Variants in SETD4 observed in about 807,000 individuals in gnomAD.
SETD4 encodes SET domain containing 4, also known as SET domain-containing protein 4.
Under a neutral mutation model 58.3 loss-of-function variants are expected in SETD4, and 46 were observed. The ratio of observed to expected loss-of-function variants is 0.79; its 90% confidence interval spans 0.62 to 1.01. SETD4 has a LOEUF of 1.01. SETD4 is among the 50% of genes least tolerant of loss of function. The probability of loss-of-function intolerance (pLI) is 0.00; values close to 1 mark genes in which losing one functional copy is unlikely to be tolerated. For synonymous variants in SETD4, 190 were observed against 202.6 expected (o/e 0.94, Z 0.53); for missense variants, 490 against 523.3 (o/e 0.94, Z 0.62).
intron 4 of SETD4, chr21:36,050,133 C>A: frequency 1.3e-6 from 1 of 793,408 alleles, no homozygotes; most frequent in Admixed American, 1.9e-5. Flanking sequence ...ACCTCTATAT[C>A]TGGCTGTTCA....
In SETD4 at chr21:36,040,564, G is replaced by A; in HGVS notation, c.1064+11C>T. 6.2e-7 allele frequency: 1 copy of A among 1,611,560 alleles called. No homozygotes were observed. Among genetic ancestry groups the A allele is most frequent in the Non-Finnish European group, 8.5e-7 (1 of 1,177,938 alleles). On this transcript the variant is annotated intron_variant, in intron 9 of 11. Transcript: ENST00000332131. ...TTGCTACAGCTTAAGACCAACACAT[G>A]TGAAACTTACAATTTCTCAGCTTCC...
At chr21:36,060,177 G>T in intron 1 of SETD4, 170 bp downstream of exon 1, 1 of 965,300 alleles carries the variant, frequency 1.0e-6, no homozygotes, top group Non-Finnish European at 1.2e-6. Context: ...GACTCCACAA[G>T]ATGAGAGGTT....
At chr21:36,058,505 CAAA>C (rs61270283) in intron 2 of SETD4, among the ~76,000 whole-genome samples, 5 of 95,150 alleles carry the variant, frequency 5.3e-5, no homozygotes, top group Non-Finnish European at 6.7e-5. Context: ...ACCTTGTCTC[CAAA>C]AAAAAAAAAA....
chr21:36,042,679 G>GT (rs1192508891), intron 7 of SETD4: 3 of 152,110 alleles, frequency 2.0e-5, no homozygotes, highest in African/African-American at 4.8e-5. Flanking sequence ...GGCTCTTGCC[G>GT]TTTTTTCATG....
chr21:36,053,444 G>C (rs4817764), intron 4 of SETD4, 139 bp downstream of exon 4: 2 of 837,238 alleles, frequency 2.4e-6, no homozygotes, highest in Non-Finnish European at 3.9e-6. Context: ...CTAGTTGATA[G>C]AACCATATTC....
intron 7 of SETD4, chr21:36,042,094 G>C: frequency 2.7e-6 from 1 of 369,800 alleles, no homozygotes; most frequent in South Asian, 3.6e-5. Context: ...AGAATTTCAA[G>C]GCTGGAGGAC....
At chr21:36,048,545 C>G in intron 4 of SETD4, 149 bp from the exon 5 acceptor site, 1 of 696,486 alleles carries the variant, frequency 1.4e-6, no homozygotes, top group Non-Finnish European at 2.5e-6. Flanking sequence ...CCAATGGAGT[C>G]GCTCCCAACT....
At chr21:36,046,168 C>G (rs2064319629) in intron 5 of SETD4, among the ~76,000 whole-genome samples, 157 bp from the exon 6 acceptor site, 1 of 152,234 alleles carries the variant, frequency 6.6e-6, no homozygotes, top group African/African-American at 2.4e-5. Flanking sequence ...TTCCTTAAGG[C>G]TCTTCCTCTC....
At chr21:36,060,211 T>A (rs1449878987) in intron 1 of SETD4, 136 bp downstream of exon 1, 2 of 819,128 alleles carry the variant, frequency 2.4e-6, no homozygotes, top group Non-Finnish European at 2.9e-6. Flanking sequence ...CGATAATGCC[T>A]GCCCTGGAGG....
At chr21:36,039,151 C>T in intron 9 of SETD4, among the ~76,000 whole-genome samples, 1 of 152,304 alleles carries the variant, frequency 6.6e-6, no homozygotes, top group South Asian at 2.1e-4. Context: ...AAGGAAATGA[C>T]TGTGTGTCAG....
intron 4 of SETD4, 75 bp from the exon 5 acceptor site, chr21:36,048,471 G>A (rs746335830): frequency 3.3e-5 from 44 of 1,343,842 alleles, no homozygotes; most frequent in African/African-American, 5.7e-5. Context: ...TTACAAAGTC[G>A]TTGATCCCAC....
chr21:36,043,856 T>A lies in SETD4; in HGVS notation c.827A>T (p.Asp276Val). Residue 276 changes from aspartate (D) to valine (V), a missense_variant, in exon 7 of 12, where the codon GAT becomes GTT. Transcript: ENST00000332131. Reference protein sequence around the residue: ...EEVFICYGPHDNQRLFLEYGF... With the variant: ...EEVFICYGPHVNQRLFLEYGF... ...GTATTCCAGGAACAGCCGTTGATTA[T>A]CGTGAGGGCCGTAACAGATGAATAC... 1 of 1,614,224 alleles carries A rather than the reference T, an allele frequency of 6.2e-7. No homozygotes were observed. The highest frequency in any genetic ancestry group is 1.1e-5 in the South Asian group (1 of 91,082).
chr21:36,036,269 ATTATTG>A lies in SETD4; in HGVS notation c.1189-24_1189-19del. ...TGAGACACCTGAAAGTTATTTTTTA[ATTATTG>A]TTATTGTAGTAAAACATATATATAT... On this transcript the variant is annotated intron_variant, in intron 10 of 11. Transcript: ENST00000332131. 6.4e-7 allele frequency: 1 copy of A among 1,566,994 alleles called. No individual in the cohort carries two copies. Among genetic ancestry groups the A allele is most frequent in the Non-Finnish European group, 8.6e-7 (1 of 1,161,730 alleles).
At chr21:36,053,101 C>T (rs1332136869) in intron 4 of SETD4, 1 of 159,430 alleles carries the variant, frequency 6.3e-6, no homozygotes, top group Non-Finnish European at 1.4e-5. Flanking sequence ...GCACGGATCT[C>T]CTCCCTTGCA....
Position 36,045,816 on chromosome 21 carries a change from G to C in SETD4, c.492C>G (p.Ala164=). 6.2e-7 allele frequency: 1 copy of C among 1,614,184 alleles called. No homozygotes were observed. Among genetic ancestry groups the C allele is most frequent in the Non-Finnish European group, 8.5e-7 (1 of 1,180,048 alleles). The change falls in exon 6 of 12, where the codon GCC becomes GCG. Residue 164 remains alanine (A), a synonymous_variant. Coordinates refer to ENST00000332131, the MANE Select transcript of SETD4 (RefSeq NM_017438.5). Reference sequence around the variant, plus strand: ...AGGAAGCAAAGAACTCCTGCACGTGGGCTCTCTGCTCTTCAGCCTTTGCTT... The same window carrying C: ...AGGAAGCAAAGAACTCCTGCACGTGCGCTCTCTGCTCTTCAGCCTTTGCTT... The part of the protein sequence containing the change: ...SLKAKAEEQR[A]HVQEFFASSR...
At position 36,034,693 on chromosome 21, in the gene SETD4, C is replaced by A. The variant is rs1397233819; in HGVS notation, c.*1300G>T. 1 of 152,124 alleles carries A rather than the reference C, an allele frequency of 6.6e-6. No homozygotes were observed. The highest frequency in any genetic ancestry group is 2.4e-5 in the African/African-American group (1 of 41,426). 9.4% of individuals were successfully genotyped at this position (152,124 alleles called of 1,614,324 possible). On this transcript the variant is annotated 3_prime_UTR_variant, in exon 12 of 12. Coordinates refer to ENST00000332131, the MANE Select transcript of SETD4 (RefSeq NM_017438.5). ...ACTATGGCCCACCACCTGTCGTTGTCAGTAGTTTCCCTGGAGCCCAGCCAT... is the reference window on the plus strand; with the variant it reads ...ACTATGGCCCACCACCTGTCGTTGTAAGTAGTTTCCCTGGAGCCCAGCCAT...
At chr21:36,057,081 G>T in intron 3 of SETD4, 28 bp downstream of exon 3, 1 of 1,587,258 alleles carries the variant, frequency 6.3e-7, no homozygotes, top group South Asian at 1.1e-5. Flanking sequence ...TGTGGGAAAG[G>T]GCAGGACAGC....
At chr21:36,050,411 G>T (rs2064604016) in intron 4 of SETD4, 1 of 1,614,044 alleles carries the variant, frequency 6.2e-7, no homozygotes, top group African/African-American at 1.3e-5. Flanking sequence ...TCAATGGAGA[G>T]CTAATCACTG....
chr21:36,048,304 T>G lies in SETD4; in HGVS notation c.296+4A>C. 1 of 1,612,804 alleles carries G rather than the reference T, an allele frequency of 6.2e-7. No individual in the cohort carries two copies. Among genetic ancestry groups the G allele is most frequent in the South Asian group, 1.1e-5 (1 of 91,050 alleles). ...ACCAGGTAAGCAAGTGTGTGGTCAC[T>G]TACTTAGTAATGTATGCCCCTAAGT... On this transcript the variant is annotated splice_donor_region_variant and intron_variant, in intron 5 of 11. Transcript: ENST00000332131.
Sources: gnomAD v4.1 joint callset for allele counts (sites outside exome capture counted in the v4.1 genomes callset) on GRCh38, gnomAD v4.1.1 for gene constraint, MANE v1.5 for transcripts, NCBI Gene and HGNC (gene_info 2026-07-23, HGNC 2026-07-21) for gene names.